CCDC88C: variants seen among roughly 807,000 people sequenced by gnomAD.
The protein encoded by CCDC88C is coiled-coil and HOOK domain protein 88C.
A neutral mutation model predicts 198.8 loss-of-function variants in CCDC88C; 131 were observed. The ratio of observed to expected loss-of-function variants is 0.66; its 90% CI spans 0.57 to 0.76. CCDC88C has a LOEUF of 0.76. CCDC88C is among the 30% of genes least tolerant of loss of function. The pLI, the probability that CCDC88C is intolerant of heterozygous loss-of-function variation, is 0.00. For synonymous variants in CCDC88C, 1,166 were observed against 1,114.7 expected (o/e 1.05, Z -0.92); for missense variants, 2,553 against 2,631.6 (o/e 0.97, Z 0.65).
chr14:91,399,829 A>C (rs1596160631), intron 3 of CCDC88C, among the ~76,000 whole-genome samples: 1 of 127,144 alleles, frequency 7.9e-6, no homozygotes, highest in African/African-American at 2.9e-5. Context: ...ACAGAGTGAG[A>C]CTCCCTCTCA....
intron 28 of CCDC88C, 22 bp from the exon 29 acceptor site, chr14:91,278,233 A>G (rs752373720): frequency 1.3e-6 from 2 of 1,572,866 alleles, no homozygotes; most frequent in South Asian, 2.3e-5. Context: ...GGCAGGAGAC[A>G]GAGGACCCTC....
At chr14:91,318,804 G>A (rs934959027) in intron 13 of CCDC88C, among the ~76,000 whole-genome samples, 1 of 150,400 alleles carries the variant, frequency 6.6e-6, no homozygotes, top group Non-Finnish European at 1.5e-5. Context: ...TGTAATCCCA[G>A]CTACTTGGGA....
At position 91,343,584 on chromosome 14, in the gene CCDC88C, C is replaced by T. The variant is rs1303913056; in HGVS notation, c.399+15G>A. On this transcript the variant is annotated intron_variant, in intron 5 of 29. Coordinates refer to ENST00000389857, the MANE Select transcript of CCDC88C (RefSeq NM_001080414.4). ...TGGGGTAGGTCCCTCTGCTGCAGCC[C>T]TGCCCAATCCCTACCTGGACAGCAC... 3.1e-6 allele frequency: 5 copies of T among 1,613,512 alleles called. No homozygotes were observed. The highest frequency in any genetic ancestry group is 8.5e-7 in the Non-Finnish European group (1 of 1,179,870).
intron 6 of CCDC88C, 44 bp from the exon 7 acceptor site, chr14:91,340,068 G>T: frequency 1.3e-6 from 2 of 1,597,346 alleles, no homozygotes; most frequent in Non-Finnish European, 1.7e-6. Context: ...GGCAGAGACG[G>T]GCGCCCACTT....
chr14:91,303,998 C>CTCT lies in CCDC88C; in HGVS notation c.3358-21_3358-20insAGA. On this transcript the variant is annotated intron_variant, in intron 19 of 29. Coordinates refer to ENST00000389857, the MANE Select transcript of CCDC88C (RefSeq NM_001080414.4). ...CTCCACCTGCCGAGAGGGAGAAGCGCGGCGTGGCGCAGGCCCCACAGTCAG... is the reference window on the plus strand; with the variant it reads ...CTCCACCTGCCGAGAGGGAGAAGCGCTCTGGCGTGGCGCAGGCCCCACAGTCAG... 1 of 1,590,642 alleles carries CTCT rather than the reference C, an allele frequency of 6.3e-7. No homozygotes were observed. Among genetic ancestry groups the CTCT allele is most frequent in the South Asian group, 1.1e-5 (1 of 90,830 alleles).
intron 3 of CCDC88C, among the ~76,000 whole-genome samples, chr14:91,377,947 G>T (rs1212933553): frequency 6.6e-6 from 1 of 152,232 alleles, no homozygotes; most frequent in Non-Finnish European, 1.5e-5. Flanking sequence ...TACATGCCAT[G>T]CAGCCACATG....
At chr14:91,361,855 T>C (rs892389376) in intron 3 of CCDC88C, among the ~76,000 whole-genome samples, 1 of 152,146 alleles carries the variant, frequency 6.6e-6, no homozygotes, top group Non-Finnish European at 1.5e-5. Flanking sequence ...ATCAGTGAAA[T>C]CTGCTTTCCA....
In CCDC88C at chr14:91,289,155, C is replaced by G. The variant is rs760653768; in HGVS notation, c.4391G>C (p.Gly1464Ala). The change falls in exon 25 of 30, where the codon GGC (glycine) becomes GCC (alanine). Residue 1464 changes from glycine (G) to alanine (A), a missense_variant. Around this residue, in one of 2 missense-constraint regions of CCDC88C, gnomAD observed 1,293 missense variants for 1,219.6 expected, o/e 1.06. Transcript: ENST00000389857. ...GTCGCGCTCTTCTGCACAGTTGGAG[C>G]CCAGTGCGGGGGTGTCGGGGTTCTC... ...QAENPDTPAL[G>A]SNCAEERDAH... is the part of the protein sequence containing the mutation. 10 of 1,613,688 alleles carry G rather than the reference C, an allele frequency of 6.2e-6. No individual in the cohort carries two copies. The highest frequency in any genetic ancestry group is 1.1e-5 in the South Asian group (1 of 91,076).
rs572258532 is a variant in CCDC88C at position 91,313,557 on chromosome 14, C to A, written c.2259G>T (p.Lys753Asn). 6.2e-7 allele frequency: 1 copy of A among 1,611,264 alleles called. No individual in the cohort carries two copies. Among genetic ancestry groups the A allele is most frequent in the African/African-American group, 1.3e-5 (1 of 74,956 alleles). The change falls in exon 15 of 30, where the codon AAG becomes AAT. Residue 753 changes from lysine (K) to asparagine (N), a missense_variant. Physicochemically the swap from Lys to Asn is moderately conservative, Grantham distance 94. Around this residue, in one of 2 missense-constraint regions of CCDC88C, gnomAD observed 1,260 missense variants for 1,412.0 expected, o/e 0.89. Coordinates refer to ENST00000389857, the MANE Select transcript of CCDC88C (RefSeq NM_001080414.4). This position sits in a 1 kb window ranked among gnomAD's most constrained non-coding sequence, Gnocchi z 5.2. ...GGTAGCTGAGCTCCAGGCGCTCTGACTTCTTGCCCAGCGCCTTGAGCAGAT... is the reference window on the plus strand; with the variant it reads ...GGTAGCTGAGCTCCAGGCGCTCTGAATTCTTGCCCAGCGCCTTGAGCAGAT... ...NVDLLKALGK[K>N]SERLELSYQS...
intron 2 of CCDC88C, among the ~76,000 whole-genome samples, chr14:91,413,417 G>C (rs1886888899): frequency 6.6e-6 from 1 of 152,140 alleles, no homozygotes; most frequent in African/African-American, 2.4e-5. Context: ...GGCAGAGTGG[G>C]GATTTGAACT....
intron 4 of CCDC88C, among the ~76,000 whole-genome samples, chr14:91,347,777 G>A (rs1012810256): frequency 3.3e-5 from 5 of 152,152 alleles, no homozygotes; most frequent in East Asian, 1.9e-4. Context: ...TCAGTGTGGC[G>A]ATTCCTCAGG....
chr14:91,319,572 A>G (rs1308894413), intron 13 of CCDC88C, among the ~76,000 whole-genome samples: 1 of 152,076 alleles, frequency 6.6e-6, no homozygotes, highest in East Asian at 1.9e-4. Context: ...TTAGTCAACA[A>G]CTCAACGTCT....
intron 4 of CCDC88C, among the ~76,000 whole-genome samples, chr14:91,355,966 A>T (rs2139896340): frequency 6.6e-6 from 1 of 152,214 alleles, no homozygotes; most frequent in East Asian, 1.9e-4. Flanking sequence ...GTTATAAATA[A>T]CAGTACAGTG....
intron 3 of CCDC88C, among the ~76,000 whole-genome samples, chr14:91,390,088 A>G (rs916795245): frequency 6.6e-6 from 1 of 151,784 alleles, no homozygotes; most frequent in Non-Finnish European, 1.5e-5. Context: ...AAAGAAAAAG[A>G]AAAAGGATAA....
At chr14:91,285,554 A>C (rs1890368301) in intron 25 of CCDC88C, 2 of 946,716 alleles carry the variant, frequency 2.1e-6, no homozygotes, top group East Asian at 1.2e-4. Context: ...AATTGGGGGC[A>C]GGAGGAGGGG....
chr14:91,403,970 G>T (rs1477110031), intron 3 of CCDC88C, among the ~76,000 whole-genome samples: 3 of 152,230 alleles, frequency 2.0e-5, no homozygotes, highest in African/African-American at 4.8e-5. Flanking sequence ...CAGATGAAAA[G>T]GAGGTTGGCT....
intron 4 of CCDC88C, among the ~76,000 whole-genome samples, chr14:91,344,921 C>A (rs1001701521): frequency 6.6e-6 from 1 of 151,590 alleles, no homozygotes; most frequent in Admixed American, 6.6e-5. Flanking sequence ...CTCAGCCTCC[C>A]GAGTAGCTAG....
intron 3 of CCDC88C, among the ~76,000 whole-genome samples, chr14:91,403,301 C>T (rs145734779): frequency 2.9e-4 from 44 of 152,344 alleles, no homozygotes; most frequent in Middle Eastern, 3.4e-3. Flanking sequence ...CAAAGACATA[C>T]GTCTCCAACA....
At chr14:91,403,267 G>A (rs1214710153) in intron 3 of CCDC88C, among the ~76,000 whole-genome samples, 5 of 152,224 alleles carry the variant, frequency 3.3e-5, no homozygotes, top group Non-Finnish European at 5.9e-5. Flanking sequence ...CACTGGATGA[G>A]ATATCCACGT....
Sources: gnomAD v4.1 joint callset for allele counts (sites outside exome capture counted in the v4.1 genomes callset) on GRCh38, gnomAD v4.1.1 for gene constraint, gnomAD v4.1.1 regional missense constraint, Gnocchi (gnomAD v3.1) non-coding constraint, MANE v1.5 for transcripts, NCBI Gene and HGNC (gene_info 2026-07-23, HGNC 2026-07-21) for gene names.